The following SESTD1 variants were observed in gnomAD, a reference collection of about 807,000 sequenced individuals.
SESTD1 encodes SEC14 domain and spectrin repeat-containing protein 1.
In SESTD1, 43 loss-of-function variants were observed where a neutral mutation model predicts 101.7. The observed-to-expected ratio is 0.42, with a 90% CI of 0.33 to 0.55. The LOEUF is 0.55. SESTD1 is among the 20% of genes least tolerant of loss of function. The pLI is 0.07. For synonymous variants in SESTD1, 283 were observed against 286.8 expected, an observed-to-expected ratio of 0.99 and a Z score of 0.13; for missense variants, 647 against 815.1, an observed-to-expected ratio of 0.79 and a Z score of 2.51.
At chr2:179,164,165 T>A (rs2045793407) in intron 5 of SESTD1, among the ~76,000 whole-genome samples, 1 of 152,162 alleles carries the variant, frequency 6.6e-6, no homozygotes, top group African/African-American at 2.4e-5. Context: ...TGTTGAAGAA[T>A]ATTTTTCTCA....
intron 7 of SESTD1, among the ~76,000 whole-genome samples, chr2:179,147,709 C>T (rs556043947): frequency 6.6e-6 from 1 of 152,318 alleles, no homozygotes; most frequent in East Asian, 1.9e-4. Context: ...CTTTGCTGCA[C>T]TGCTTCTTCA....
intron 15 of SESTD1, among the ~76,000 whole-genome samples, 185 bp from the exon 16 acceptor site, chr2:179,115,441 T>A (rs1247230405): frequency 2.0e-5 from 3 of 152,112 alleles, no homozygotes; most frequent in Non-Finnish European, 4.4e-5. Context: ...AAGCTATGTT[T>A]TTGTTAGTTT....
chr2:179,256,824 A>C (rs1170253778), intron 1 of SESTD1, among the ~76,000 whole-genome samples: 1 of 151,920 alleles, frequency 6.6e-6, no homozygotes, highest in South Asian at 2.1e-4. Context: ...AAAAAAAAAA[A>C]AAAAAACTGA....
chr2:179,170,140 T>G (rs991235710), intron 5 of SESTD1, among the ~76,000 whole-genome samples: 20 of 152,086 alleles, frequency 1.3e-4, no homozygotes, highest in African/African-American at 4.8e-4. Flanking sequence ...AGGCAAAGAT[T>G]TCTCAGATTA....
At chr2:179,218,535 T>A (rs558968467) in intron 1 of SESTD1, among the ~76,000 whole-genome samples, 1 of 151,744 alleles carries the variant, frequency 6.6e-6, no homozygotes, top group East Asian at 1.9e-4. Context: ...CATGATTTTG[T>A]GTTACCTTCA....
intron 4 of SESTD1, among the ~76,000 whole-genome samples, chr2:179,173,952 C>G (rs1178635652): frequency 1.3e-5 from 2 of 151,882 alleles, no homozygotes; most frequent in African/African-American, 4.8e-5. Context: ...AAATGGAAAA[C>G]CTTTGGAGGT....
intron 10 of SESTD1, among the ~76,000 whole-genome samples, chr2:179,128,261 T>C (rs2044922750): frequency 6.6e-6 from 1 of 152,168 alleles, no homozygotes. Context: ...GGGATGTAAA[T>C]ACATTGTGAG....
intron 16 of SESTD1, among the ~76,000 whole-genome samples, chr2:179,113,319 AAG>A (rs1343580402): frequency 2.0e-5 from 3 of 152,220 alleles, no homozygotes; most frequent in South Asian, 2.1e-4. Flanking sequence ...AAAAACAACA[AAG>A]AGTACAAATA....
chr2:179,223,278 A>T lies in SESTD1; in HGVS notation c.-25-31412T>A, dbSNP rs1226660851. Among the ~76,000 whole-genome samples the T allele has an allele frequency of 3.3e-5, 5 of 152,240 alleles. No individual in the cohort carries two copies. In the East Asian group the frequency reaches 9.6e-4, roughly 29 times the overall value. ...TAGGCCAGTGGCTGCCTAGGGCTGGAGTGGGTATGGAGAGTGACTGGTAAT... is the reference window on the plus strand; with the variant it reads ...TAGGCCAGTGGCTGCCTAGGGCTGGTGTGGGTATGGAGAGTGACTGGTAAT... On this transcript the variant is annotated intron_variant, in intron 1 of 17. Coordinates refer to ENST00000428443, the MANE Select transcript of SESTD1 (RefSeq NM_178123.5).
chr2:179,117,827 A>G (rs1212035723), intron 13 of SESTD1, among the ~76,000 whole-genome samples: 1 of 152,240 alleles, frequency 6.6e-6, no homozygotes, highest in African/African-American at 2.4e-5. Flanking sequence ...ATACTCAATG[A>G]CAAACCCTCT....
intron 1 of SESTD1, among the ~76,000 whole-genome samples, chr2:179,252,227 T>G (rs2047328858): frequency 6.6e-6 from 1 of 152,232 alleles, no homozygotes; most frequent in Non-Finnish European, 1.5e-5. Context: ...CCCTAATGCA[T>G]CCACTCACTC....
chr2:179,169,319 T>A (rs1368562610), intron 5 of SESTD1, among the ~76,000 whole-genome samples: 2 of 152,200 alleles, frequency 1.3e-5, no homozygotes, highest in Middle Eastern at 6.8e-3. Flanking sequence ...ACAATGTACA[T>A]TTCAGAGCCA....
intron 3 of SESTD1, among the ~76,000 whole-genome samples, chr2:179,182,271 C>A (rs1232892915): frequency 6.6e-6 from 1 of 152,102 alleles, no homozygotes; most frequent in Non-Finnish European, 1.5e-5. Context: ...CACACACACA[C>A]ACACACAGAA....
At chr2:179,260,751 A>G (rs567328482) in intron 1 of SESTD1, among the ~76,000 whole-genome samples, 1 of 152,360 alleles carries the variant, frequency 6.6e-6, no homozygotes, top group African/African-American at 2.4e-5. Flanking sequence ...GTAATTACAG[A>G]TGGAAAAGTT....
At chr2:179,197,257 GA>G (rs532151514) in intron 1 of SESTD1, among the ~76,000 whole-genome samples, 4 of 150,368 alleles carry the variant, frequency 2.7e-5, no homozygotes, top group South Asian at 2.1e-4. Context: ...GAAATTTAGA[GA>G]AAAAAAAATA....
At chr2:179,122,409 G>GGT (rs2044773542) in intron 12 of SESTD1, among the ~76,000 whole-genome samples, 1 of 151,952 alleles carries the variant, frequency 6.6e-6, no homozygotes, top group African/African-American at 2.4e-5. Flanking sequence ...TGTGACTAAA[G>GGT]ATACAGTCTA....
intron 3 of SESTD1, among the ~76,000 whole-genome samples, chr2:179,182,792 C>T (rs539886824): frequency 2.6e-5 from 4 of 152,170 alleles, no homozygotes; most frequent in Admixed American, 6.5e-5. Context: ...TGATTAAATT[C>T]TCCAATTTTC....
At chr2:179,188,999 A>G (rs1460491329) in intron 2 of SESTD1, among the ~76,000 whole-genome samples, 1 of 152,190 alleles carries the variant, frequency 6.6e-6, no homozygotes, top group Non-Finnish European at 1.5e-5. Flanking sequence ...TCTACCAGAC[A>G]TACAGAGAAG....
intron 5 of SESTD1, among the ~76,000 whole-genome samples, chr2:179,159,379 T>C (rs2045690906): frequency 6.6e-6 from 1 of 152,190 alleles, no homozygotes; most frequent in Non-Finnish European, 1.5e-5. Flanking sequence ...ACTCCAATGA[T>C]GGCAAACATC....
Sources: gnomAD v4.1 joint callset for allele counts (sites outside exome capture counted in the v4.1 genomes callset) on GRCh38, gnomAD v4.1.1 for gene constraint, MANE v1.5 for transcripts, NCBI Gene and HGNC (gene_info 2026-07-23, HGNC 2026-07-21) for gene names.